The following KLF17 variants were observed in gnomAD, a reference collection of about 807,000 sequenced individuals.
KLF17 encodes the protein KLF transcription factor 17, also known as Krueppel-like factor 17.
In KLF17, 31 loss-of-function variants were observed where a neutral mutation model predicts 34.2. The ratio of observed to expected loss-of-function variants is 0.91; its 90% CI spans 0.68 to 1.22. The LOEUF (loss-of-function observed/expected upper bound fraction) is 1.22. KLF17 is among the 50% of genes most tolerant of loss of function. The pLI is 0.00. For synonymous variants in KLF17, 179 were observed against 186.7 expected (o/e 0.96, Z 0.34); for missense variants, 478 against 505.2 (o/e 0.95, Z 0.52).
chr1:44,080,295 T>G, the KLF17 span, among the ~76,000 whole-genome samples: 144 of 141,852 alleles, frequency 1.0e-3, no homozygotes, highest in African/African-American at 2.1e-3. Flanking sequence ...CTGGAGTGCA[T>G]TGGTGCAATC....
chr1:44,050,554 T>C, the KLF17 span, among the ~76,000 whole-genome samples: 1 of 152,292 alleles, frequency 6.6e-6, no homozygotes, highest in African/African-American at 2.4e-5. Flanking sequence ...CTCTACACAC[T>C]GCCTATGGGG....
At chr1:44,115,018 G>A (rs1322524349), upstream of KLF17, 2 of 152,170 alleles carry the variant, frequency 1.3e-5, no homozygotes, top group African/African-American at 4.8e-5. Context: ...TGTGGTATTA[G>A]ACACATCCAA....
chr1:44,074,408 G>A, the KLF17 span, among the ~76,000 whole-genome samples: 8 of 152,090 alleles, frequency 5.3e-5, no homozygotes, highest in South Asian at 6.2e-4. Flanking sequence ...TACCAATGCC[G>A]TGTCTGTTCC....
intron 1 of KLF17, among the ~76,000 whole-genome samples, chr1:44,127,784 TTTTC>T (rs2088044814): frequency 6.7e-6 from 1 of 150,136 alleles, no homozygotes; most frequent in South Asian, 2.1e-4. Context: ...CTTTCTTCTC[TTTTC>T]TTTCTTTTCT....
chr1:44,079,269 C>A, the KLF17 span, among the ~76,000 whole-genome samples: 2 of 151,582 alleles, frequency 1.3e-5, no homozygotes, highest in African/African-American at 4.9e-5. Flanking sequence ...TTTAGTTAAC[C>A]CCTTGTGACT....
upstream of KLF17, chr1:44,114,454 T>A (rs2087862145): frequency 6.6e-6 from 1 of 152,278 alleles, no homozygotes; most frequent in Non-Finnish European, 1.5e-5. Flanking sequence ...AAATGGGACG[T>A]CGGGGTGCAG....
At chr1:44,122,595 G>A (rs959285601) in intron 1 of KLF17, 8 of 707,742 alleles carry the variant, frequency 1.1e-5, no homozygotes, top group Middle Eastern at 2.5e-4. Context: ...ATGAATGGCC[G>A]TTTTTGGTTT....
At chr1:44,103,080 T>A in the KLF17 span, among the ~76,000 whole-genome samples, 49,267 of 152,086 alleles carry the variant, frequency 0.32, 8,136 homozygotes, top group South Asian at 0.38. Context: ...AGCTGAGGTT[T>A]TATTTTGGAC....
intron 1 of KLF17, among the ~76,000 whole-genome samples, chr1:44,121,756 G>A (rs2087948135): frequency 6.6e-6 from 1 of 152,206 alleles, no homozygotes; most frequent in African/African-American, 2.4e-5. Flanking sequence ...TGGCAAGAAT[G>A]CCTCATGTGT....
At chr1:44,073,242 C>T in the KLF17 span, among the ~76,000 whole-genome samples, 36 of 148,996 alleles carry the variant, frequency 2.4e-4, no homozygotes, top group East Asian at 1.8e-3. Context: ...AGTCTCACTC[C>T]GTCGCCCAGG....
the KLF17 span, chr1:44,047,992 T>TTGTGTG: frequency 2.0e-4 from 26 of 129,248 alleles, no homozygotes; most frequent in African/African-American, 7.4e-4. Context: ...TAAGAGAACA[T>TTGTGTG]TGTGTGTGTA....
chr1:44,062,483 C>T, the KLF17 span, among the ~76,000 whole-genome samples: 1 of 151,612 alleles, frequency 6.6e-6, no homozygotes, highest in Non-Finnish European at 1.5e-5. Context: ...GAGGGAGGAT[C>T]GTTTGGAGCC....
At chr1:44,093,908 C>G in the KLF17 span, among the ~76,000 whole-genome samples, 2 of 152,136 alleles carry the variant, frequency 1.3e-5, no homozygotes, top group South Asian at 4.1e-4. Flanking sequence ...CTGTTTTCTT[C>G]AGAAGTAAAA....
the KLF17 span, among the ~76,000 whole-genome samples, chr1:44,058,903 T>G: frequency 6.6e-6 from 1 of 151,862 alleles, no homozygotes; most frequent in Non-Finnish European, 1.5e-5. Context: ...CAACAAAATA[T>G]CGCTCCCTTC....
At chr1:44,057,128 G>A in the KLF17 span, among the ~76,000 whole-genome samples, 1 of 151,870 alleles carries the variant, frequency 6.6e-6, no homozygotes, top group Non-Finnish European at 1.5e-5. Context: ...ATGCATGAGG[G>A]GTAAGGAAGA....
At chr1:44,132,061 C>T (rs988770605) in intron 3 of KLF17, among the ~76,000 whole-genome samples, 2 of 152,106 alleles carry the variant, frequency 1.3e-5, no homozygotes, top group Non-Finnish European at 2.9e-5. Flanking sequence ...AATCCCAATA[C>T]TTTGGGAGGC....
At chr1:44,061,693 G>A in the KLF17 span, among the ~76,000 whole-genome samples, 4 of 152,158 alleles carry the variant, frequency 2.6e-5, no homozygotes, top group Admixed American at 1.3e-4. Flanking sequence ...CCAGGTGGGC[G>A]GATCACTTGA....
At chr1:44,098,090 C>A in the KLF17 span, among the ~76,000 whole-genome samples, 4 of 152,098 alleles carry the variant, frequency 2.6e-5, no homozygotes, top group South Asian at 8.3e-4. Flanking sequence ...CCACCTCAGC[C>A]TCCTGAGTAG....
chr1:44,118,720 G>T (rs2087908403), upstream of KLF17: 1 of 452,008 alleles, frequency 2.2e-6, no homozygotes, highest in Non-Finnish European at 4.0e-6. Flanking sequence ...GTGGGTGGCA[G>T]CCTGGGGCAG....
Sources: gnomAD v4.1 joint callset for allele counts (sites outside exome capture counted in the v4.1 genomes callset) on GRCh38, gnomAD v4.1.1 for gene constraint, MANE v1.5 for transcripts, NCBI Gene and HGNC (gene_info 2026-07-23, HGNC 2026-07-21) for gene names.